DACH2: variants seen among roughly 807,000 people sequenced by gnomAD.
DACH2 encodes the protein dachshund family transcription factor 2, also known as dachshund homolog 2.
A neutral mutation model predicts 35.8 loss-of-function variants in DACH2; 17 were observed. The ratio of observed to expected loss-of-function variants is 0.48; its 90% CI spans 0.33 to 0.71. The LOEUF is 0.71. DACH2 is among the 30% of genes least tolerant of loss of function. The pLI is 0.02. For synonymous variants in DACH2, 195 were observed against 177.3 expected, an observed-to-expected ratio of 1.10 and a Z score of -0.79; for missense variants, 469 against 472.7, an observed-to-expected ratio of 0.99 and a Z score of 0.07.
At chrX:86,775,911 C>A (rs1159605267) in intron 7 of DACH2, among the ~76,000 whole-genome samples, 1 of 111,507 alleles carries the variant, frequency 9.0e-6, no homozygotes, top group Non-Finnish European at 1.9e-5. Context: ...CAGGTAGATA[C>A]TATTGTTAAG....
At chrX:86,284,805 C>A (rs2034112569) in intron 1 of DACH2, among the ~76,000 whole-genome samples, 2 of 110,849 alleles carry the variant, frequency 1.8e-5, no homozygotes, top group African/African-American at 3.3e-5. Context: ...CTCATTTCGG[C>A]TTCAATCTCA....
rs772662061 is a variant in DACH2, at chrX:86,297,069, A to ATATATATATATG, written c.489-79753_489-79752insTATATATATGTA. Among the ~76,000 whole-genome samples the ATATATATATATG allele has an allele frequency of 3.0e-4, 30 of 98,909 alleles. 1 individual carries two copies. The highest frequency in any genetic ancestry group is 4.7e-4 in the Non-Finnish European group (23 of 48,862). 85.9% of individuals were successfully genotyped at this position (98,909 alleles called of 115,157 possible). The stretch of plus-strand genomic sequence containing the variant: ...TATATATATATATATATATATATAT[A>ATATATATATATG]TAATTAGAGCACTTAACACAATGAA... On this transcript the variant is annotated intron_variant, in intron 1 of 11. Coordinates refer to ENST00000373125, the MANE Select transcript of DACH2 (RefSeq NM_053281.3).
intron 1 of DACH2, among the ~76,000 whole-genome samples, chrX:86,235,413 C>T (rs146544660): frequency 1.3e-4 from 15 of 112,357 alleles, no homozygotes; most frequent in African/African-American, 4.8e-4. Context: ...TTTACACATG[C>T]GTTTCCCCGC....
At chrX:86,366,367 G>A (rs905113972) in intron 1 of DACH2, among the ~76,000 whole-genome samples, 1 of 110,810 alleles carries the variant, frequency 9.0e-6, no homozygotes, top group African/African-American at 3.3e-5. Context: ...GAACTGTTAG[G>A]CAAATAATCT....
chrX:86,695,421 A>C (rs138240773), intron 5 of DACH2, among the ~76,000 whole-genome samples: 1,504 of 109,984 alleles, frequency 0.014, 10 homozygotes, highest in Non-Finnish European at 0.022. Context: ...AGAGGTACAT[A>C]AGTAGAGGTA....
intron 1 of DACH2, among the ~76,000 whole-genome samples, chrX:86,198,636 C>A (rs918830675): frequency 9.0e-6 from 1 of 111,443 alleles, no homozygotes; most frequent in African/African-American, 3.3e-5. Flanking sequence ...ATTATGAATA[C>A]CTCTATGCAC....
intron 2 of DACH2, among the ~76,000 whole-genome samples, chrX:86,437,859 T>G (rs2037093577): frequency 9.1e-6 from 1 of 110,432 alleles, no homozygotes; most frequent in Non-Finnish European, 1.9e-5. Context: ...ATATTCAATT[T>G]TATTTTTATT....
At chrX:86,248,871 G>A (rs1403260310) in intron 1 of DACH2, among the ~76,000 whole-genome samples, 1 of 110,055 alleles carries the variant, frequency 9.1e-6, no homozygotes, top group Non-Finnish European at 1.9e-5. Flanking sequence ...AACGTAATAG[G>A]GAATCCAGAA....
chrX:86,298,332 A>G (rs1379712806), intron 1 of DACH2, among the ~76,000 whole-genome samples: 6 of 111,769 alleles, frequency 5.4e-5, no homozygotes. Context: ...TTAAGAAAAC[A>G]TGTTATATTT....
At chrX:86,155,197 TG>T (rs1292095945) in intron 1 of DACH2, among the ~76,000 whole-genome samples, 8 of 110,876 alleles carry the variant, frequency 7.2e-5, no homozygotes, top group Admixed American at 6.8e-4. Flanking sequence ...AGCTTTTTGT[TG>T]GCTTAATGCA....
chrX:86,405,454 A>G (rs888530047), intron 2 of DACH2, among the ~76,000 whole-genome samples: 1 of 111,586 alleles, frequency 9.0e-6, no homozygotes, highest in Non-Finnish European at 1.9e-5. Context: ...TCTAGTTCCC[A>G]ACAAGCTTTT....
At chrX:86,399,782 A>G (rs1337143208) in intron 2 of DACH2, among the ~76,000 whole-genome samples, 1 of 111,673 alleles carries the variant, frequency 9.0e-6, no homozygotes, top group East Asian at 2.8e-4. Context: ...CTTTGTGGGT[A>G]ACCAGACCTT....
At chrX:86,419,770 T>A (rs750801260) in intron 2 of DACH2, among the ~76,000 whole-genome samples, 1 of 111,934 alleles carries the variant, frequency 8.9e-6, no homozygotes, top group South Asian at 3.7e-4. Flanking sequence ...AAGTAGTCAC[T>A]TTTGTAGGTA....
chrX:86,430,857 G>A (rs749803104), intron 2 of DACH2, among the ~76,000 whole-genome samples: 93 of 111,803 alleles, frequency 8.3e-4, no homozygotes, highest in African/African-American at 2.8e-3. Flanking sequence ...GAGGCATGCA[G>A]AGTCATTTTG....
At chrX:86,180,619 G>A (rs1293295029) in intron 1 of DACH2, among the ~76,000 whole-genome samples, 1 of 110,918 alleles carries the variant, frequency 9.0e-6, no homozygotes, top group Non-Finnish European at 1.9e-5. Flanking sequence ...AGGCCACTAA[G>A]AAGACCCACT....
intron 1 of DACH2, among the ~76,000 whole-genome samples, chrX:86,299,532 G>A (rs1386500342): frequency 8.9e-6 from 1 of 111,896 alleles, no homozygotes; most frequent in African/African-American, 3.2e-5. Flanking sequence ...TGTGTGTTGA[G>A]ATATGATTAC....
intron 2 of DACH2, among the ~76,000 whole-genome samples, chrX:86,476,134 T>G (rs2037839615): frequency 8.9e-6 from 1 of 111,867 alleles, no homozygotes; most frequent in African/African-American, 3.2e-5. Context: ...GGCCTGTAGT[T>G]TTCTTTTTTT....
At chrX:86,721,005 G>A (rs975933841) in intron 6 of DACH2, among the ~76,000 whole-genome samples, 1 of 112,343 alleles carries the variant, frequency 8.9e-6, no homozygotes, top group African/African-American at 3.2e-5. Context: ...GCTGTATATT[G>A]GCCCCTTTTA....
intron 11 of DACH2, among the ~76,000 whole-genome samples, chrX:86,818,481 C>T (rs2042474266): frequency 9.0e-6 from 1 of 111,213 alleles, no homozygotes; most frequent in African/African-American, 3.3e-5. Context: ...CTGTGAAACT[C>T]AGAAAATGTA....
Sources: allele counts gnomAD v4.1 joint callset (sites outside exome capture counted in the v4.1 genomes callset), GRCh38; gene constraint gnomAD v4.1.1; transcripts MANE v1.5; gene names NCBI Gene and HGNC (gene_info 2026-07-23, HGNC 2026-07-21).